The following PI4K2A variants were observed in gnomAD, a reference collection of about 807,000 sequenced individuals.
PI4K2A encodes the protein phosphatidylinositol 4-kinase type 2-alpha.
Under a neutral mutation model 55.0 loss-of-function variants are expected in PI4K2A, and 20 were observed. The ratio of observed to expected loss-of-function variants is 0.36; its 90% CI spans 0.26 to 0.53. The LOEUF (loss-of-function observed/expected upper bound fraction) is 0.53. Among genes scored for constraint, PI4K2A ranks in the 20% least tolerant of loss-of-function variants. The pLI is 0.91. For missense variants in PI4K2A, 463 were observed against 637.1 expected, an observed-to-expected ratio of 0.73 and a Z score of 2.94; for synonymous variants, 235 against 258.5, an observed-to-expected ratio of 0.91 and a Z score of 0.87.
intron 8 of PI4K2A, among the ~76,000 whole-genome samples, chr10:97,670,964 C>T: frequency 6.6e-6 from 1 of 152,022 alleles, no homozygotes; most frequent in South Asian, 2.1e-4. Flanking sequence ...ATGGAGAAAC[C>T]CCATCTCTAC....
At chr10:97,645,845 T>C (rs1419836058) in intron 1 of PI4K2A, among the ~76,000 whole-genome samples, 1 of 151,818 alleles carries the variant, frequency 6.6e-6, no homozygotes, top group Non-Finnish European at 1.5e-5. Context: ...CCACTGTGCC[T>C]GGATGGTTTT....
At chr10:97,640,885 C>G in exon 1 of PI4K2A, 1 of 1,296,602 alleles carries the variant, frequency 7.7e-7, no homozygotes, top group Non-Finnish European at 9.8e-7. Flanking sequence ...GGCCCCTCTC[C>G]GCCGGGCTCG....
chr10:97,673,943 T>C (rs2041648461), exon 9 of PI4K2A: 2 of 554,376 alleles, frequency 3.6e-6, no homozygotes, highest in South Asian at 4.8e-5. Context: ...CCTTCTGATG[T>C]GGGGGAGGCT....
chr10:97,647,321 A>G (rs890806483), intron 1 of PI4K2A, among the ~76,000 whole-genome samples: 2 of 152,186 alleles, frequency 1.3e-5, no homozygotes, highest in African/African-American at 2.4e-5. Flanking sequence ...AAAATCTATT[A>G]AGAGAAAAAA....
At chr10:97,654,349 G>C (rs929985518) in intron 2 of PI4K2A, among the ~76,000 whole-genome samples, 1 of 152,082 alleles carries the variant, frequency 6.6e-6, no homozygotes, top group Admixed American at 6.6e-5. Context: ...TGAGTTTTCT[G>C]ATTTGTAAGG....
chr10:97,660,663 G>A (rs922184211), intron 4 of PI4K2A, among the ~76,000 whole-genome samples: 1 of 150,768 alleles, frequency 6.6e-6, no homozygotes, highest in Admixed American at 6.6e-5. Context: ...TATCTTACAA[G>A]TGTTTTTTTT....
At chr10:97,653,630 G>C (rs1459531323) in intron 2 of PI4K2A, among the ~76,000 whole-genome samples, 1 of 152,170 alleles carries the variant, frequency 6.6e-6, no homozygotes. Flanking sequence ...AAAAATACTT[G>C]TCTTGGCTGG....
At chr10:97,666,762 G>A (rs2041611710) in intron 7 of PI4K2A, among the ~76,000 whole-genome samples, 191 bp downstream of exon 7, 1 of 152,162 alleles carries the variant, frequency 6.6e-6, no homozygotes, top group Admixed American at 6.5e-5. Context: ...AAATGGGCAG[G>A]GGTGAGAAAT....
Position 97,656,986 on chromosome 10 carries a change from C to T in PI4K2A, c.922+12C>T, listed in dbSNP as rs918577331. ...CATCCGCAACACTGGTGAGCAGCTG[C>T]AGGTGGTCCCATGCCCTGTGCCAGA... On this transcript the variant is annotated intron_variant, in intron 4 of 8. Transcript: ENST00000370631. This position sits in a 1 kb window ranked among gnomAD's most constrained non-coding sequence, Gnocchi z 4.5. 6.2e-7 allele frequency: 1 copy of T among 1,614,068 alleles called. No individual in the cohort carries two copies.
intron 4 of PI4K2A, among the ~76,000 whole-genome samples, chr10:97,658,462 C>T (rs981076269): frequency 1.1e-4 from 16 of 152,184 alleles, no homozygotes; most frequent in African/African-American, 3.9e-4. Flanking sequence ...GTTGCTTCTG[C>T]ATTTTAGCTA....
At chr10:97,668,259 T>G (rs530882501) in intron 8 of PI4K2A, among the ~76,000 whole-genome samples, 50 of 152,296 alleles carry the variant, frequency 3.3e-4, no homozygotes, top group Non-Finnish European at 5.7e-4. Context: ...TCCCTTAGTT[T>G]CCTCATGTTT....
intron 1 of PI4K2A, among the ~76,000 whole-genome samples, chr10:97,645,560 A>G (rs1318251541): frequency 6.8e-6 from 1 of 147,304 alleles, no homozygotes; most frequent in East Asian, 2.0e-4. Flanking sequence ...GTGAGCCAAG[A>G]TCGTGCCACT....
At position 97,648,092 on chromosome 10, in the gene PI4K2A, A is replaced by AT. The variant is rs11332690; in HGVS notation, c.436-2829dup. On this transcript the variant is annotated intron_variant, in intron 1 of 8. Coordinates refer to ENST00000370631, the Ensembl canonical transcript of PI4K2A. ...AGGTGCATACCACCACACTTAGCTA[A>AT]TTTTTTTTTTTTTTTTTTTTGAGAT... Among the ~76,000 whole-genome samples, 302 of 120,620 alleles carry AT rather than the reference A, an allele frequency of 2.5e-3. 1 individual carries two copies. Among genetic ancestry groups the AT allele is most frequent in the South Asian group, 7.8e-3 (29 of 3,736 alleles). The allele number at this position is 120,620 out of a possible 152,430, so 79.1% of individuals were successfully genotyped here. A position where few individuals can be genotyped will look rare whatever the true frequency, so the allele number is the denominator to read the frequency against.
At chr10:97,661,047 A>G (rs1410633939) in intron 4 of PI4K2A, among the ~76,000 whole-genome samples, 4 of 151,870 alleles carry the variant, frequency 2.6e-5, no homozygotes, top group African/African-American at 4.8e-5. Context: ...GCTGGAGTGC[A>G]GTGGCCCAAT....
At chr10:97,658,224 T>C (rs10882976) in intron 4 of PI4K2A, among the ~76,000 whole-genome samples, 25,218 of 152,128 alleles carry the variant, frequency 0.17, 2,313 homozygotes, top group Non-Finnish European at 0.21. Context: ...GCAACAATCA[T>C]TCTGTTTTCT....
chr10:97,649,490 T>G (rs2041520080), intron 1 of PI4K2A, among the ~76,000 whole-genome samples: 1 of 152,134 alleles, frequency 6.6e-6, no homozygotes, highest in African/African-American at 2.4e-5. Context: ...GAGAGCTTCA[T>G]TCTAACCAAG....
rs551602023 is a variant in PI4K2A at position 97,666,598 on chromosome 10, TATC to T, written c.1218+30_1218+32del. 1.2e-4 allele frequency: 185 copies of T among 1,581,736 alleles called. No homozygotes were observed. In the East Asian group the frequency reaches 3.8e-3, roughly 33 times the overall value. On this transcript the variant is annotated intron_variant, in intron 7 of 8. Transcript: ENST00000370631. The stretch of plus-strand genomic sequence containing the variant: ...TTAGCCCTGGGAACCTCAGCCCTAT[TATC>T]ATATGGGAGAAGGAATTTTTAATGG...
intron 4 of PI4K2A, among the ~76,000 whole-genome samples, chr10:97,661,015 G>A (rs529821718): frequency 9.9e-5 from 15 of 150,912 alleles, no homozygotes; most frequent in African/African-American, 3.7e-4. Flanking sequence ...TTTTGGAGAC[G>A]GAGTCTCACT....
chr10:97,664,872 C>G lies in PI4K2A; in HGVS notation c.985-13C>G. 6.3e-7 allele frequency: 1 copy of G among 1,598,910 alleles called. No homozygotes were observed. The highest frequency in any genetic ancestry group is 8.6e-7 in the Non-Finnish European group (1 of 1,166,286). On this transcript the variant is annotated splice_polypyrimidine_tract_variant and intron_variant, in intron 5 of 8. Transcript: ENST00000370631. The stretch of plus-strand genomic sequence containing the variant: ...TGGGTTTCCTCAGTCATTAGTCTTT[C>G]CTTGCTCTTCAGGACACAGACTGGG...
Sources: gnomAD v4.1 joint callset for allele counts (sites outside exome capture counted in the v4.1 genomes callset) on GRCh38, gnomAD v4.1.1 for gene constraint, Gnocchi (gnomAD v3.1) non-coding constraint, MANE v1.5 for transcripts, NCBI Gene and HGNC (gene_info 2026-07-23, HGNC 2026-07-21) for gene names.